SLC6A11: variants seen among roughly 807,000 people sequenced by gnomAD.
SLC6A11 encodes solute carrier family 6 member 11.
In SLC6A11, 25 loss-of-function variants were observed where a neutral mutation model predicts 74.8. The ratio of observed to expected loss-of-function variants is 0.33; its 90% CI spans 0.24 to 0.47. SLC6A11 has a LOEUF of 0.47. SLC6A11 is among the 20% of genes least tolerant of loss of function. The pLI is 1.00. For synonymous variants in SLC6A11, 330 were observed against 330.2 expected (o/e 1.00, Z 0.01); for missense variants, 574 against 837.0 (o/e 0.69, Z 3.88).
intron 11 of SLC6A11, among the ~76,000 whole-genome samples, chr3:10,933,565 A>G (rs2697160): frequency 0.78 from 118,369 of 152,150 alleles, 46,822 homozygotes; most frequent in African/African-American, 0.94. Flanking sequence ...AAGTGTAATC[A>G]AGCAGCAGCC....
intron 4 of SLC6A11, among the ~76,000 whole-genome samples, chr3:10,829,592 A>G (rs1401016300): frequency 6.6e-6 from 1 of 152,194 alleles, no homozygotes; most frequent in Non-Finnish European, 1.5e-5. Flanking sequence ...TCTAGAGCCC[A>G]GTTTAAGCAG....
chr3:10,864,559 TG>T (rs777531726), intron 5 of SLC6A11, among the ~76,000 whole-genome samples: 7 of 152,090 alleles, frequency 4.6e-5, no homozygotes, highest in Non-Finnish European at 8.8e-5. Flanking sequence ...GCTTCCTCCC[TG>T]TTGGGTGTGT....
intron 7 of SLC6A11, 87 bp downstream of exon 7, chr3:10,912,280 C>A: frequency 1.1e-6 from 1 of 887,308 alleles, no homozygotes; most frequent in Admixed American, 1.8e-5. Context: ...TGTCTGCCCA[C>A]CTTGCAGGGC....
intron 6 of SLC6A11, among the ~76,000 whole-genome samples, chr3:10,884,680 A>C (rs554261356): frequency 6.6e-6 from 1 of 152,286 alleles, no homozygotes; most frequent in South Asian, 2.1e-4. Flanking sequence ...ATCTCTGAGC[A>C]TCCCAAACCT....
chr3:10,816,313 G>A lies in SLC6A11; in HGVS notation c.48G>A (p.Glu16=). The A allele has an allele frequency of 7.1e-7, 1 of 1,407,856 alleles. No individual in the cohort carries two copies. The highest frequency in any genetic ancestry group is 9.2e-7 in the Non-Finnish European group (1 of 1,083,870). 87.2% of individuals were successfully genotyped at this position (1,407,856 alleles called of 1,614,324 possible). ...CCCTGGGCAATGGGAAGGCTGCTGAGGAGGCGCGGGAGTCCGAGGCGCCGG... is the reference window on the plus strand; with the variant it reads ...CCCTGGGCAATGGGAAGGCTGCTGAAGAGGCGCGGGAGTCCGAGGCGCCGG... The part of the protein sequence containing the change: ...ALPLGNGKAA[E]EARESEAPGG... The change falls in exon 1 of 14, where the codon GAG becomes GAA. Residue 16 remains glutamate, a synonymous_variant. Transcript: ENST00000254488. This position sits in a 1 kb window ranked among gnomAD's most constrained non-coding sequence, Gnocchi z 4.2.
chr3:10,928,736 G>T (rs1213805851), intron 9 of SLC6A11, among the ~76,000 whole-genome samples: 2 of 152,118 alleles, frequency 1.3e-5, no homozygotes, highest in Non-Finnish European at 2.9e-5. Flanking sequence ...CAACCCCGGA[G>T]ACCACAGAGA....
intron 5 of SLC6A11, among the ~76,000 whole-genome samples, chr3:10,873,534 C>T (rs1694860964): frequency 7.4e-6 from 1 of 135,216 alleles, no homozygotes; most frequent in Non-Finnish European, 1.5e-5. Flanking sequence ...CCTATCCTGT[C>T]CTATCCTATC....
At chr3:10,847,684 G>A (rs140340440) in intron 5 of SLC6A11, among the ~76,000 whole-genome samples, 1 of 152,158 alleles carries the variant, frequency 6.6e-6, no homozygotes, top group Admixed American at 6.5e-5. Flanking sequence ...GAGGTTCTGT[G>A]GGGGCACATC....
chr3:10,826,390 G>T (rs745913742), intron 4 of SLC6A11, among the ~76,000 whole-genome samples: 2 of 152,204 alleles, frequency 1.3e-5, no homozygotes, highest in Non-Finnish European at 2.9e-5. Flanking sequence ...TCAGAGACTT[G>T]TATTGGACCT....
intron 6 of SLC6A11, among the ~76,000 whole-genome samples, 154 bp downstream of exon 6, chr3:10,875,249 A>G (rs1046009316): frequency 7.2e-5 from 11 of 152,248 alleles, no homozygotes; most frequent in African/African-American, 2.7e-4. Flanking sequence ...CATAAATTTA[A>G]TACGTAGGAA....
intron 6 of SLC6A11, among the ~76,000 whole-genome samples, chr3:10,908,985 T>C (rs1198193253): frequency 1.3e-5 from 2 of 152,072 alleles, no homozygotes; most frequent in Non-Finnish European, 2.9e-5. Context: ...CAGGGAGTCA[T>C]GTGCTAATAT....
At chr3:10,831,185 C>T (rs1240921759) in intron 4 of SLC6A11, among the ~76,000 whole-genome samples, 1 of 152,008 alleles carries the variant, frequency 6.6e-6, no homozygotes, top group African/African-American at 2.4e-5. Context: ...CTCTCAAGTC[C>T]CCATTTTTTT....
intron 6 of SLC6A11, among the ~76,000 whole-genome samples, chr3:10,903,387 A>C (rs188278844): frequency 6.6e-6 from 1 of 152,312 alleles, no homozygotes; most frequent in Non-Finnish European, 1.5e-5. Context: ...CCCTACTGCC[A>C]CTGAACTCAC....
intron 5 of SLC6A11, among the ~76,000 whole-genome samples, chr3:10,853,119 C>G (rs7628928): frequency 0.029 from 4,349 of 152,252 alleles, 212 homozygotes; most frequent in African/African-American, 0.1. Context: ...TGTGAAAGAA[C>G]GAGCCCAGGC....
At chr3:10,887,749 G>C (rs1695062472) in intron 6 of SLC6A11, among the ~76,000 whole-genome samples, 1 of 152,194 alleles carries the variant, frequency 6.6e-6, no homozygotes, top group Admixed American at 6.5e-5. Context: ...TGCTGAAACA[G>C]ACAGTCTTTG....
chr3:10,873,734 C>CCT (rs1559567075), intron 5 of SLC6A11, among the ~76,000 whole-genome samples: 8 of 76,966 alleles, frequency 1.0e-4, no homozygotes, highest in Admixed American at 2.6e-4. Flanking sequence ...TATCCTATCC[C>CCT]GTCCCGTCCC....
intron 4 of SLC6A11, among the ~76,000 whole-genome samples, chr3:10,840,738 G>C (rs1307810529): frequency 6.6e-6 from 1 of 152,202 alleles, no homozygotes; most frequent in East Asian, 1.9e-4. Flanking sequence ...TCTGGAGCCA[G>C]GATCCCTGGG....
intron 5 of SLC6A11, among the ~76,000 whole-genome samples, chr3:10,866,981 A>G (rs1694770358): frequency 6.6e-6 from 1 of 152,198 alleles, no homozygotes; most frequent in Non-Finnish European, 1.5e-5. Context: ...GAATGCAGGT[A>G]GTAGTCTCTA....
chr3:10,933,331 C>A, intron 11 of SLC6A11, 78 bp downstream of exon 11: 1 of 958,778 alleles, frequency 1.0e-6, no homozygotes, highest in South Asian at 1.3e-5. Flanking sequence ...CTCTGGTTGG[C>A]TCTGGTTCTC....
Sources: gnomAD v4.1 joint callset for allele counts (sites outside exome capture counted in the v4.1 genomes callset) on GRCh38, gnomAD v4.1.1 for gene constraint, Gnocchi (gnomAD v3.1) non-coding constraint, MANE v1.5 for transcripts, NCBI Gene and HGNC (gene_info 2026-07-23, HGNC 2026-07-21) for gene names.